Variants in POFUT3 observed in about 807,000 individuals in gnomAD.
The protein encoded by POFUT3 is GDP-fucose protein O-fucosyltransferase 3.
At chr8:33,448,164 A>T in the POFUT3 span, among the ~76,000 whole-genome samples, 1,717 of 151,608 alleles carry the variant, frequency 0.011, 37 homozygotes, top group African/African-American at 0.04. Flanking sequence ...ACATTATGAG[A>T]CCCCCGTCTC....
the POFUT3 span, among the ~76,000 whole-genome samples, chr8:33,450,301 A>C: frequency 6.6e-6 from 1 of 152,170 alleles, no homozygotes; most frequent in African/African-American, 2.4e-5. Context: ...GAAACCCCAC[A>C]AAGACTTGTT....
At chr8:33,423,890 G>A in the POFUT3 span, among the ~76,000 whole-genome samples, 1 of 145,952 alleles carries the variant, frequency 6.9e-6, no homozygotes, top group Non-Finnish European at 1.5e-5. Flanking sequence ...TGTAATCCTA[G>A]CACTATTGGA....
the POFUT3 span, among the ~76,000 whole-genome samples, chr8:33,352,142 G>A: frequency 1.3e-5 from 2 of 152,286 alleles, no homozygotes; most frequent in Admixed American, 6.5e-5. Context: ...CCTGCTGAGG[G>A]TGAAGCCACA....
the POFUT3 span, among the ~76,000 whole-genome samples, chr8:33,360,005 CA>C: frequency 6.6e-6 from 1 of 150,994 alleles, no homozygotes; most frequent in Admixed American, 6.6e-5. Context: ...GACTCCATCT[CA>C]AAAAAAACCA....
the POFUT3 span, among the ~76,000 whole-genome samples, chr8:33,316,624 C>T: frequency 6.6e-6 from 1 of 151,654 alleles, no homozygotes; most frequent in East Asian, 1.9e-4. Context: ...CACCTGTAAT[C>T]CCAGCTACTT....
At chr8:33,327,897 G>T in the POFUT3 span, among the ~76,000 whole-genome samples, 600 of 152,236 alleles carry the variant, frequency 3.9e-3, 5 homozygotes, top group African/African-American at 0.014. Flanking sequence ...ATTCATTTCA[G>T]GCTGATCCTG....
the POFUT3 span, among the ~76,000 whole-genome samples, chr8:33,316,100 A>C: frequency 6.6e-6 from 1 of 152,176 alleles, no homozygotes; most frequent in Non-Finnish European, 1.5e-5. Flanking sequence ...AGGCTTGTTC[A>C]TGCTGCACTT....
the POFUT3 span, among the ~76,000 whole-genome samples, chr8:33,319,154 A>G: frequency 1.3e-5 from 1 of 78,336 alleles, no homozygotes; most frequent in Non-Finnish European, 2.0e-5. Flanking sequence ...ATATATAAAT[A>G]TATTTTACAT....
chr8:33,408,672 C>T, the POFUT3 span, among the ~76,000 whole-genome samples: 1 of 152,184 alleles, frequency 6.6e-6, no homozygotes, highest in East Asian at 1.9e-4. Flanking sequence ...CAGAAACATG[C>T]TGTGAAAAAG....
At chr8:33,405,406 G>A in the POFUT3 span, among the ~76,000 whole-genome samples, 512 of 151,966 alleles carry the variant, frequency 3.4e-3, 5 homozygotes, top group African/African-American at 0.011. Context: ...AATTACTTAC[G>A]ATGGTAGACT....
chr8:33,469,634 A>G, the POFUT3 span, among the ~76,000 whole-genome samples: 1 of 152,146 alleles, frequency 6.6e-6, no homozygotes, highest in Non-Finnish European at 1.5e-5. Flanking sequence ...TTCCAGACAC[A>G]TACTAAAGTA....
chr8:33,379,941 T>C, the POFUT3 span, among the ~76,000 whole-genome samples: 1 of 112,604 alleles, frequency 8.9e-6, no homozygotes, highest in Non-Finnish European at 1.7e-5. Context: ...ATACACTATA[T>C]ATACCCTATA....
At chr8:33,451,299 G>A in the POFUT3 span, among the ~76,000 whole-genome samples, 1 of 151,880 alleles carries the variant, frequency 6.6e-6, no homozygotes, top group Admixed American at 6.6e-5. Context: ...TTGGATTCGG[G>A]GGCATTTCAG....
At chr8:33,434,830 C>T in the POFUT3 span, among the ~76,000 whole-genome samples, 1 of 152,336 alleles carries the variant, frequency 6.6e-6, no homozygotes, top group South Asian at 2.1e-4. Flanking sequence ...TCCCACATCG[C>T]CTCACAGGGC....
At chr8:33,373,771 T>G in the POFUT3 span, among the ~76,000 whole-genome samples, 1 of 151,832 alleles carries the variant, frequency 6.6e-6, no homozygotes, top group Non-Finnish European at 1.5e-5. Context: ...GAAACACCAT[T>G]AAAATGAGAG....
chr8:33,372,221 G>A, the POFUT3 span: 3 of 1,015,956 alleles, frequency 3.0e-6, no homozygotes, highest in Non-Finnish European at 3.5e-6. Context: ...GCTGTTGAGA[G>A]TGAGGTGAGT....
the POFUT3 span, among the ~76,000 whole-genome samples, chr8:33,358,033 G>A: frequency 9.8e-5 from 15 of 152,302 alleles, no homozygotes; most frequent in East Asian, 2.3e-3. Flanking sequence ...GATCACTTGA[G>A]TCCAGGAGCT....
At chr8:33,366,765 G>T in the POFUT3 span, among the ~76,000 whole-genome samples, 1 of 152,078 alleles carries the variant, frequency 6.6e-6, no homozygotes. Flanking sequence ...CACAAAAATT[G>T]TTGACAAAAA....
chr8:33,324,598 T>C, the POFUT3 span, among the ~76,000 whole-genome samples: 98 of 152,234 alleles, frequency 6.4e-4, 1 homozygote, highest in African/African-American at 2.2e-3. Flanking sequence ...AGTAATAGTA[T>C]CTATTCATAA....
Sources: allele counts gnomAD v4.1 joint callset (sites outside exome capture counted in the v4.1 genomes callset), GRCh38; gene constraint gnomAD v4.1.1; transcripts MANE v1.5; gene names NCBI Gene and HGNC (gene_info 2026-07-23, HGNC 2026-07-21).